The following CTDP1 variants were observed in gnomAD, a reference collection of about 807,000 sequenced individuals.
The protein encoded by CTDP1 is RNA polymerase II subunit A C-terminal domain phosphatase.
A neutral mutation model predicts 91.8 loss-of-function variants in CTDP1; 47 were observed. The observed-to-expected ratio is 0.51, with a 90% CI of 0.41 to 0.65. The LOEUF is 0.65. Among genes scored for constraint, CTDP1 ranks in the 30% least tolerant of loss-of-function variants. The pLI, the probability that CTDP1 is intolerant of heterozygous loss-of-function variation, is 0.00. For missense variants in CTDP1, 1,272 were observed against 1,373.7 expected (o/e 0.93, Z 1.17); for synonymous variants, 656 against 598.5 (o/e 1.10, Z -1.40).
rs140123022 is a variant in CTDP1 at position 79,709,827 on chromosome 18, T to A, written c.773-519T>A. Among the ~76,000 whole-genome samples the A allele has an allele frequency of 3.9e-3, 596 of 152,376 alleles. 4 individuals are homozygous for A. Among genetic ancestry groups the A allele is most frequent in the Non-Finnish European group, 7.5e-3 (509 of 68,038 alleles). On this transcript the variant is annotated intron_variant, in intron 5 of 12. Coordinates refer to ENST00000613122, the MANE Select transcript of CTDP1 (RefSeq NM_004715.5). Reference sequence around the variant, plus strand: ...AGAGTGTGAGTTTGTATAATTCTACTAAAGTAACTTGGGAGAAGCAAACTT... The same window carrying A: ...AGAGTGTGAGTTTGTATAATTCTACAAAAGTAACTTGGGAGAAGCAAACTT...
intron 1 of CTDP1, among the ~76,000 whole-genome samples, chr18:79,691,055 C>T (rs1431863985): frequency 6.6e-6 from 1 of 152,184 alleles, no homozygotes; most frequent in Admixed American, 6.5e-5. Flanking sequence ...CAGCCCTCAC[C>T]TGCTTCCTAC....
At chr18:79,689,511 C>T (rs995199038) in intron 1 of CTDP1, among the ~76,000 whole-genome samples, 1 of 152,106 alleles carries the variant, frequency 6.6e-6, no homozygotes, top group African/African-American at 2.4e-5. Context: ...TAAGGCCAGG[C>T]GTAGTGGCTC....
At chr18:79,700,476 C>T (rs138183389) in intron 4 of CTDP1, among the ~76,000 whole-genome samples, 2 of 152,170 alleles carry the variant, frequency 1.3e-5, no homozygotes, top group South Asian at 4.1e-4. Flanking sequence ...CACAACATTC[C>T]CTTAAGCCAA....
At position 79,736,516 on chromosome 18, in the gene CTDP1, G is replaced by T. The variant is rs145979721; in HGVS notation, c.2742G>T (p.Gly914=). ...AGAGGAGCGCGGCAGGGGGCCGGGG[G>T]CCCAGGTGAGTGCGGGGTCTGAGGT... The part of the protein sequence containing the change: ...SSERSAAGGR[G]PRGHKRKLNE... The change falls in exon 12 of 13, where the codon GGG becomes GGT. Residue 914 remains glycine (G), a synonymous_variant. Coordinates refer to ENST00000613122, the MANE Select transcript of CTDP1 (RefSeq NM_004715.5). The T allele has an allele frequency of 3.0e-4, 467 of 1,543,240 alleles. No individual in the cohort carries two copies. The highest frequency in any genetic ancestry group is 1.6e-3 in the Middle Eastern group (7 of 4,346).
rs181788495 is a variant in CTDP1 at position 79,732,785 on chromosome 18, G to A, written c.2581-3570G>A. Among the ~76,000 whole-genome samples the A allele has an allele frequency of 4.0e-5, 6 of 149,730 alleles. 1 individual carries two copies. The highest frequency in any genetic ancestry group is 4.3e-4 in the South Asian group (2 of 4,688). On this transcript the variant is annotated intron_variant, in intron 11 of 12. Coordinates refer to ENST00000613122, the MANE Select transcript of CTDP1 (RefSeq NM_004715.5). ...GAGTGCTCCCAAAATCATGTGAGAC[G>A]TAAGAACTCCCTAACAGGAGTGCTC...
At chr18:79,701,627 T>G (rs1423983704) in intron 4 of CTDP1, among the ~76,000 whole-genome samples, 1 of 152,164 alleles carries the variant, frequency 6.6e-6, no homozygotes, top group Non-Finnish European at 1.5e-5. Context: ...CTGATGAATC[T>G]GGGAAAATCA....
At chr18:79,738,033 C>T (rs982721886) in intron 12 of CTDP1, among the ~76,000 whole-genome samples, 3 of 148,264 alleles carry the variant, frequency 2.0e-5, no homozygotes, top group East Asian at 2.0e-4. Context: ...TCCCCCCGCC[C>T]GCCCTGCTCA....
intron 12 of CTDP1, among the ~76,000 whole-genome samples, chr18:79,747,729 G>A (rs1015964456): frequency 2.6e-5 from 4 of 152,210 alleles, no homozygotes; most frequent in Admixed American, 6.5e-5. Flanking sequence ...TGGCCACGCC[G>A]GCACGGGTTT....
chr18:79,686,256 A>G (rs1178135407), intron 1 of CTDP1, among the ~76,000 whole-genome samples: 2 of 152,200 alleles, frequency 1.3e-5, no homozygotes, highest in Non-Finnish European at 2.9e-5. Context: ...CTTTAAAGTT[A>G]GTTTTAAAGT....
intron 12 of CTDP1, among the ~76,000 whole-genome samples, chr18:79,752,335 T>C (rs1444629799): frequency 1.5e-5 from 2 of 134,184 alleles, no homozygotes; most frequent in Non-Finnish European, 3.4e-5. Context: ...CGGCTGGTTA[T>C]GCAGAGGCTC....
At position 79,693,305 on chromosome 18, in the gene CTDP1, T is replaced by C. The variant is rs530584986; in HGVS notation, c.315-1920T>C. Among the ~76,000 whole-genome samples the C allele has an allele frequency of 4.6e-5, 7 of 152,302 alleles. No individual in the cohort carries two copies. In the East Asian group the frequency reaches 1.3e-3, roughly 29 times the overall value. On this transcript the variant is annotated intron_variant, in intron 1 of 12. Coordinates refer to ENST00000613122, the MANE Select transcript of CTDP1 (RefSeq NM_004715.5). Reference sequence around the variant, plus strand: ...TTGGGTTTTTAGGTTAAGTCTCTGCTCATTGGGGCATTTTAGGGCAGAACT... The same window carrying C: ...TTGGGTTTTTAGGTTAAGTCTCTGCCCATTGGGGCATTTTAGGGCAGAACT...
chr18:79,740,132 G>A (rs1406322951), intron 12 of CTDP1, among the ~76,000 whole-genome samples: 1 of 61,410 alleles, frequency 1.6e-5, no homozygotes, highest in East Asian at 4.3e-4. Context: ...TCATACCCAC[G>A]GCCGGGACGG....
chr18:79,713,185 A>C lies in CTDP1; in HGVS notation c.1030+47A>C. Reference sequence around the variant, plus strand: ...TCTCTAGAAGAATTCACATTTGCTTATTGTTTAGCTCTTCTTATTTCTTAT... The same window carrying C: ...TCTCTAGAAGAATTCACATTTGCTTCTTGTTTAGCTCTTCTTATTTCTTAT... On this transcript the variant is annotated intron_variant, in intron 7 of 12. Coordinates refer to ENST00000613122, the MANE Select transcript of CTDP1 (RefSeq NM_004715.5). The surrounding 1 kb of genome is among the most constrained non-coding windows in gnomAD (Gnocchi z 4.7). 1 of 1,565,846 alleles carries C rather than the reference A, an allele frequency of 6.4e-7. No individual in the cohort carries two copies. The highest frequency in any genetic ancestry group is 8.8e-7 in the Non-Finnish European group (1 of 1,141,916).
chr18:79,725,876 G>A (rs1335367258), intron 10 of CTDP1, among the ~76,000 whole-genome samples: 1 of 152,190 alleles, frequency 6.6e-6, no homozygotes, highest in Admixed American at 6.5e-5. Flanking sequence ...GTTCTGATGA[G>A]TGATCTTCTG....
chr18:79,731,705 C>T (rs1024690482), intron 11 of CTDP1, among the ~76,000 whole-genome samples: 1 of 152,210 alleles, frequency 6.6e-6, no homozygotes, highest in African/African-American at 2.4e-5. Context: ...TTGAAGAAAC[C>T]TGAAAGCCAT....
At chr18:79,746,764 G>A (rs375507205) in intron 12 of CTDP1, among the ~76,000 whole-genome samples, 24 of 152,294 alleles carry the variant, frequency 1.6e-4, no homozygotes, top group East Asian at 9.7e-4. Flanking sequence ...CCACAGGTGC[G>A]CACCACCATG....
At chr18:79,677,763 GTAGT>G (rs2085270974), upstream of CTDP1, 1 of 152,284 alleles carries the variant, frequency 6.6e-6, no homozygotes, top group African/African-American at 2.4e-5. Context: ...TCACCATCCA[GTAGT>G]CTGTAAATGT....
intron 1 of CTDP1, among the ~76,000 whole-genome samples, chr18:79,684,172 C>G (rs143083334): frequency 2.0e-5 from 3 of 152,222 alleles, no homozygotes; most frequent in African/African-American, 4.8e-5. Flanking sequence ...ACTTGTTTAG[C>G]TGAGACTGTG....
At chr18:79,750,729 G>A (rs2086981094) in intron 12 of CTDP1, among the ~76,000 whole-genome samples, 1 of 146,748 alleles carries the variant, frequency 6.8e-6, no homozygotes, top group Non-Finnish European at 1.5e-5. Flanking sequence ...GGTCAGGCTG[G>A]TCTTGAACTC....
Sources: gnomAD v4.1 joint callset for allele counts (sites outside exome capture counted in the v4.1 genomes callset) on GRCh38, gnomAD v4.1.1 for gene constraint, Gnocchi (gnomAD v3.1) non-coding constraint, MANE v1.5 for transcripts, NCBI Gene and HGNC (gene_info 2026-07-23, HGNC 2026-07-21) for gene names.